Variants in AGBL1 observed in about 807,000 individuals in gnomAD.
AGBL1 encodes the protein cytosolic carboxypeptidase 4.
A neutral mutation model predicts 118.9 loss-of-function variants in AGBL1; 130 were observed. The observed-to-expected ratio is 1.09, with a 90% CI of 0.95 to 1.26. The LOEUF (loss-of-function observed/expected upper bound fraction) is 1.26, where lower values mean the gene tolerates loss of function less well. AGBL1 is among the 50% of genes most tolerant of loss of function. The probability of loss-of-function intolerance (pLI) is 0.00; values close to 1 mark genes in which losing one functional copy is unlikely to be tolerated. For missense variants in AGBL1, 1,584 were observed against 1,298.1 expected (o/e 1.22, Z -3.38); for synonymous variants, 555 against 478.9 (o/e 1.16, Z -2.08).
chr15:86,288,023 T>G (rs1411460623), intron 16 of AGBL1, among the ~76,000 whole-genome samples: 1 of 152,194 alleles, frequency 6.6e-6, no homozygotes, highest in Non-Finnish European at 1.5e-5. Flanking sequence ...ATTTCCTGCC[T>G]TCTCCACCTC....
chr15:86,960,528 C>T (rs72755667), intron 23 of AGBL1, among the ~76,000 whole-genome samples: 6,363 of 151,820 alleles, frequency 0.042, 163 homozygotes, highest in Middle Eastern at 0.071. Context: ...CTTATATATT[C>T]GGTAAGGATG....
At chr15:86,251,700 T>G (rs1448894978) in intron 7 of AGBL1, among the ~76,000 whole-genome samples, 1 of 152,024 alleles carries the variant, frequency 6.6e-6, no homozygotes, top group Non-Finnish European at 1.5e-5. Context: ...AAACATCCCC[T>G]AAAAGTTCAA....
At chr15:86,968,447 G>A (rs566162468) in intron 23 of AGBL1, among the ~76,000 whole-genome samples, 11 of 151,940 alleles carry the variant, frequency 7.2e-5, no homozygotes, top group Admixed American at 3.3e-4. Context: ...TGCTTACATC[G>A]CATTTTGCAA....
At chr15:86,146,545 C>A (rs1440944905) in intron 3 of AGBL1, among the ~76,000 whole-genome samples, 1 of 152,156 alleles carries the variant, frequency 6.6e-6, no homozygotes, top group Non-Finnish European at 1.5e-5. Context: ...ATGTCACATG[C>A]TTATCATATG....
intron 17 of AGBL1, among the ~76,000 whole-genome samples, chr15:86,359,372 A>C (rs1002942225): frequency 1.4e-4 from 18 of 126,766 alleles, no homozygotes; most frequent in African/African-American, 5.3e-4. Flanking sequence ...TATTCTATTT[A>C]TCAGTATTGG....
intron 5 of AGBL1, among the ~76,000 whole-genome samples, chr15:86,202,208 C>T (rs145819511): frequency 6.6e-6 from 1 of 152,072 alleles, no homozygotes; most frequent in Non-Finnish European, 1.5e-5. Flanking sequence ...CAGGAGAATC[C>T]CTTGAACCCA....
At chr15:86,124,570 C>G (rs922061018) in intron 1 of AGBL1, among the ~76,000 whole-genome samples, 5 of 151,880 alleles carry the variant, frequency 3.3e-5, no homozygotes, top group African/African-American at 1.2e-4. Flanking sequence ...AAGATTTTTT[C>G]TCTCCACGCA....
intron 1 of AGBL1, among the ~76,000 whole-genome samples, chr15:86,081,353 T>C (rs1474406275): frequency 2.0e-5 from 3 of 152,182 alleles, no homozygotes; most frequent in Admixed American, 6.5e-5. Context: ...TTTTCTCTGA[T>C]TCTTAAGAAG....
At chr15:86,849,514 T>C (rs1476413183) in intron 22 of AGBL1, among the ~76,000 whole-genome samples, 1 of 104,424 alleles carries the variant, frequency 9.6e-6, no homozygotes, top group Non-Finnish European at 2.2e-5. Context: ...TCTTTCTTTC[T>C]TTCTTTTTTT....
intron 17 of AGBL1, among the ~76,000 whole-genome samples, chr15:86,352,883 G>A (rs935774007): frequency 1.3e-5 from 2 of 152,136 alleles, no homozygotes; most frequent in African/African-American, 4.8e-5. Flanking sequence ...GAGACCTCAG[G>A]TTATGACAAC....
At chr15:86,700,504 CACACACAA>C (rs145111077) in intron 22 of AGBL1, among the ~76,000 whole-genome samples, 11,782 of 122,606 alleles carry the variant, frequency 0.096, 742 homozygotes, top group African/African-American at 0.23. Context: ...CACACACACA[CACACACAA>C]AATCTCTCTT....
chr15:86,600,473 T>A (rs1182850184), intron 21 of AGBL1, among the ~76,000 whole-genome samples: 4 of 152,168 alleles, frequency 2.6e-5, no homozygotes, highest in Non-Finnish European at 5.9e-5. Context: ...GGTTTTCTGA[T>A]AACTGCCATG....
chr15:86,833,695 T>C (rs1255314508), intron 22 of AGBL1, among the ~76,000 whole-genome samples: 1 of 152,170 alleles, frequency 6.6e-6, no homozygotes, highest in Non-Finnish European at 1.5e-5. Flanking sequence ...AAAGCTCAAA[T>C]AGAGCAGCAT....
chr15:87,010,859 TATCTATCTGTTC>T, intron 24 of AGBL1, among the ~76,000 whole-genome samples: 1 of 152,294 alleles, frequency 6.6e-6, no homozygotes, highest in Admixed American at 6.5e-5. Flanking sequence ...CCCACCTACC[TATCTATCTGTTC>T]ATCTATCTAT....
chr15:86,635,849 C>G (rs2085073146), intron 21 of AGBL1, among the ~76,000 whole-genome samples: 1 of 152,194 alleles, frequency 6.6e-6, no homozygotes, highest in Admixed American at 6.5e-5. Context: ...CCTCTCTCCT[C>G]TCAGTGCCAA....
chr15:86,686,162 T>A lies in AGBL1; in HGVS notation c.3158+11726T>A, dbSNP rs531744416. Among the ~76,000 whole-genome samples, 6 of 152,318 alleles carry A rather than the reference T, an allele frequency of 3.9e-5. No homozygotes were observed. The South Asian group carries it at 1.2e-3, about 32-fold the overall frequency. ...AAAGGACATGCAATGATTTTTTAGG[T>A]CTACATGATATTGGCTATTGAATGT... On this transcript the variant is annotated intron_variant, in intron 22 of 22. Coordinates refer to ENST00000614907, the MANE Select transcript of AGBL1 (RefSeq NM_001386094.1).
chr15:86,199,052 G>T (rs1043504115), intron 5 of AGBL1, among the ~76,000 whole-genome samples: 1 of 152,008 alleles, frequency 6.6e-6, no homozygotes, highest in African/African-American at 2.4e-5. Flanking sequence ...CCAAATGCAC[G>T]CATATGTTTG....
At chr15:86,643,957 A>G (rs1055467338) in intron 21 of AGBL1, among the ~76,000 whole-genome samples, 2 of 152,202 alleles carry the variant, frequency 1.3e-5, no homozygotes, top group African/African-American at 4.8e-5. Context: ...TTGAATAAAT[A>G]ATGCAGTCTA....
chr15:86,787,809 G>A (rs931503837), intron 22 of AGBL1, among the ~76,000 whole-genome samples: 1 of 152,170 alleles, frequency 6.6e-6, no homozygotes, highest in Non-Finnish European at 1.5e-5. Context: ...TACCGAGTTT[G>A]TGGTCACTTA....
Sources: gnomAD v4.1 joint callset for allele counts (sites outside exome capture counted in the v4.1 genomes callset) on GRCh38, gnomAD v4.1.1 for gene constraint, MANE v1.5 for transcripts, NCBI Gene and HGNC (gene_info 2026-07-23, HGNC 2026-07-21) for gene names.